Variants in PPP2R3C observed in about 807,000 individuals in gnomAD.
PPP2R3C encodes serine/threonine-protein phosphatase 2A regulatory subunit B'' subunit gamma.
PPP2R3C carries 47 observed loss-of-function variants against 63.7 expected under a neutral mutation model. The observed-to-expected ratio is 0.74, with a 90% CI of 0.58 to 0.94. The LOEUF (loss-of-function observed/expected upper bound fraction) is 0.94. PPP2R3C is among the 40% of genes least tolerant of loss of function. The pLI, the probability that PPP2R3C is intolerant of heterozygous loss-of-function variation, is 0.00. For missense variants in PPP2R3C, 421 were observed against 518.4 expected (o/e 0.81, Z 1.82); for synonymous variants, 180 against 177.4 (o/e 1.01, Z -0.12).
At chr14:35,104,502 T>TA (rs1362964765) in intron 6 of PPP2R3C, among the ~76,000 whole-genome samples, 1 of 152,034 alleles carries the variant, frequency 6.6e-6, no homozygotes, top group Admixed American at 6.6e-5. Flanking sequence ...CCTACAATCT[T>TA]AAAAAAAGCA....
At chr14:35,119,470 T>TA (rs1273067254) in intron 1 of PPP2R3C, among the ~76,000 whole-genome samples, 1 of 152,156 alleles carries the variant, frequency 6.6e-6, no homozygotes, top group Non-Finnish European at 1.5e-5. Flanking sequence ...CTCGAGTAGC[T>TA]AGGACTACAG....
At chr14:35,097,719 G>A in intron 7 of PPP2R3C, among the ~76,000 whole-genome samples, 1 of 152,076 alleles carries the variant, frequency 6.6e-6, no homozygotes, top group African/African-American at 2.4e-5. Flanking sequence ...CCTGACCTCA[G>A]ATGATTCACC....
chr14:35,096,895 A>G, intron 7 of PPP2R3C, 131 bp from the exon 8 acceptor site: 1 of 907,410 alleles, frequency 1.1e-6, no homozygotes, highest in South Asian at 1.9e-5. Flanking sequence ...TTATGCTCCA[A>G]AGTCCTTATT....
In PPP2R3C at chr14:35,085,727, GAA is replaced by G; in HGVS notation, c.1223_1224del (p.Leu408ProfsTer7). The G allele has an allele frequency of 6.2e-7, 1 of 1,611,312 alleles. No individual in the cohort carries two copies. The highest frequency in any genetic ancestry group is 8.5e-7 in the Non-Finnish European group (1 of 1,178,426). On this transcript the variant is annotated frameshift_variant, in exon 13 of 13. Transcript: ENST00000261475. LOFTEE classifies it high-confidence loss of function. ...VKPKDPLKIS[L>X]QDLINSNQGD... ...CCTTGATTACTGTTGATTAAATCCT[GAA>G]GAGAGATTTTCAAAGGATCCTTTGG...
chr14:35,111,235 CAAAAAAAAAAAA>C (rs3058398), intron 2 of PPP2R3C, among the ~76,000 whole-genome samples: 1 of 89,794 alleles, frequency 1.1e-5, no homozygotes, highest in Non-Finnish European at 2.2e-5. Flanking sequence ...CTCCATCTAC[CAAAAAAAAAAAA>C]AAAAAAAAAA....
At position 35,096,717 on chromosome 14, in the gene PPP2R3C, A is replaced by C. The variant is rs1468090969; in HGVS notation, c.754T>G (p.Leu252Val). ...DILACSFLDDLLELRDEELSK... is the reference protein window; with the variant it reads ...DILACSFLDDVLELRDEELSK... The stretch of plus-strand genomic sequence containing the variant: ...AGTTTAAAAACATTTACCTCCAATA[A>C]ATCATCTAGGAAGCTGCATGCTAAA... Residue 252 changes from leucine (L) to valine (V), a missense_variant, in exon 8 of 13, where the codon TTA becomes GTA. Physicochemically the swap from Leu to Val is conservative, Grantham distance 32 (BLOSUM62 1). Coordinates refer to ENST00000261475, the MANE Select transcript of PPP2R3C (RefSeq NM_017917.4). 3 of 1,601,706 alleles carry C rather than the reference A, an allele frequency of 1.9e-6. No homozygotes were observed. Among genetic ancestry groups the C allele is most frequent in the Non-Finnish European group, 2.6e-6 (3 of 1,173,668 alleles).
chr14:35,110,753 T>C, intron 2 of PPP2R3C, 124 bp from the exon 3 acceptor site: 1 of 626,140 alleles, frequency 1.6e-6, no homozygotes, highest in South Asian at 2.1e-5. Flanking sequence ...TCACCTTAAT[T>C]GTGCTTAACA....
intron 2 of PPP2R3C, among the ~76,000 whole-genome samples, chr14:35,114,440 T>A (rs2046650518): frequency 6.6e-6 from 1 of 152,332 alleles, no homozygotes; most frequent in Admixed American, 6.5e-5. Flanking sequence ...AGTATCTGGA[T>A]AACTCACTTA....
rs756168211 is a variant in PPP2R3C, at chr14:35,109,833, A to G, written c.390T>C (p.Ala130=). The change falls in exon 4 of 13, where the codon GCT becomes GCC. Residue 130 remains alanine (A), a synonymous_variant. Transcript: ENST00000261475. ...YENFLKVGEK[A]GAKCKQFFTA... ...ATTATTCTTACTTGCACTTTGCTCC[A>G]GCCTTTTCACCAACCTTCAAAAAGT... 5 of 1,586,628 alleles carry G rather than the reference A, an allele frequency of 3.2e-6. No homozygotes were observed. Among genetic ancestry groups the G allele is most frequent in the Non-Finnish European group, 4.3e-6 (5 of 1,155,604 alleles).
intron 1 of PPP2R3C, among the ~76,000 whole-genome samples, chr14:35,121,579 A>T (rs1595141129): frequency 6.6e-6 from 1 of 152,232 alleles, no homozygotes; most frequent in Non-Finnish European, 1.5e-5. Flanking sequence ...GTGACAGTAA[A>T]AAGGCAGGAG....
intron 1 of PPP2R3C, among the ~76,000 whole-genome samples, chr14:35,121,450 C>T (rs915617688): frequency 6.6e-6 from 1 of 151,708 alleles, no homozygotes; most frequent in African/African-American, 2.4e-5. Context: ...GCCCTTAGTG[C>T]GGGTGTGGAA....
intron 2 of PPP2R3C, among the ~76,000 whole-genome samples, chr14:35,113,389 G>C (rs2046621025): frequency 6.6e-6 from 1 of 152,138 alleles, no homozygotes; most frequent in South Asian, 2.1e-4. Flanking sequence ...TGGCCAAAGA[G>C]AGAAGTGACA....
At chr14:35,089,913 C>T (rs955046434) in intron 11 of PPP2R3C, among the ~76,000 whole-genome samples, 1 of 152,078 alleles carries the variant, frequency 6.6e-6, no homozygotes, top group African/African-American at 2.4e-5. Flanking sequence ...GATCCGCCCA[C>T]CCTGGCCTCC....
chr14:35,122,188 A>G (rs1425732545), upstream of PPP2R3C: 1 of 556,538 alleles, frequency 1.8e-6, no homozygotes, highest in African/African-American at 1.9e-5. Flanking sequence ...AAGAGATGGA[A>G]AATGGTTCTC....
chr14:35,119,369 T>C (rs571892634), intron 1 of PPP2R3C, among the ~76,000 whole-genome samples: 1 of 151,760 alleles, frequency 6.6e-6, no homozygotes, highest in Non-Finnish European at 1.5e-5. Flanking sequence ...AGGGTCTGGC[T>C]CTTGTCACCC....
At chr14:35,119,342 T>G (rs1160549111) in intron 1 of PPP2R3C, among the ~76,000 whole-genome samples, 2 of 130,178 alleles carry the variant, frequency 1.5e-5, no homozygotes, top group Non-Finnish European at 3.4e-5. Context: ...CCAGCCCAAA[T>G]GAATTTTTTT....
intron 11 of PPP2R3C, among the ~76,000 whole-genome samples, chr14:35,089,715 C>G (rs753917570): frequency 1.7e-4 from 26 of 151,842 alleles, no homozygotes; most frequent in Admixed American, 3.3e-4. Flanking sequence ...ACCCAGGCTG[C>G]AGTGCAGTGG....
intron 1 of PPP2R3C, among the ~76,000 whole-genome samples, chr14:35,119,883 C>T (rs1006480812): frequency 2.8e-5 from 4 of 140,598 alleles, no homozygotes; most frequent in Non-Finnish European, 6.0e-5. Flanking sequence ...CGGAGTCTCG[C>T]TCTGTCGCCC....
At chr14:35,114,592 T>C (rs1023204765) in intron 2 of PPP2R3C, among the ~76,000 whole-genome samples, 12 of 152,304 alleles carry the variant, frequency 7.9e-5, no homozygotes, top group Non-Finnish European at 1.6e-4. Context: ...TAATACTAAA[T>C]AGGTATTTTT....
Sources: gnomAD v4.1 joint callset for allele counts (sites outside exome capture counted in the v4.1 genomes callset) on GRCh38, gnomAD v4.1.1 for gene constraint, MANE v1.5 for transcripts, NCBI Gene and HGNC (gene_info 2026-07-23, HGNC 2026-07-21) for gene names.